The following CPED1 variants were observed in gnomAD, a reference collection of about 807,000 sequenced individuals.
The protein encoded by CPED1 is cadherin like and PC-esterase domain containing 1.
In CPED1, 114 loss-of-function variants were observed where a neutral mutation model predicts 128.2. That is an observed-to-expected ratio of 0.89 (90% confidence interval 0.76 to 1.04). The LOEUF is 1.04. Among genes scored for constraint, CPED1 ranks in the 50% least tolerant of loss-of-function variants. CPED1 has a pLI of 0.00. For missense variants in CPED1, 1,211 were observed against 1,207.1 expected, an observed-to-expected ratio of 1.00 and a Z score of -0.05; for synonymous variants, 462 against 426.7, an observed-to-expected ratio of 1.08 and a Z score of -1.02.
At chr7:121,105,162 A>G (rs1794944358) in intron 7 of CPED1, among the ~76,000 whole-genome samples, 1 of 152,146 alleles carries the variant, frequency 6.6e-6, no homozygotes, top group African/African-American at 2.4e-5. Context: ...TGTGGCAAAG[A>G]GAGGAATGGT....
chr7:121,287,145 A>C (rs1177361020), intron 22 of CPED1, among the ~76,000 whole-genome samples: 1 of 152,134 alleles, frequency 6.6e-6, no homozygotes, highest in Non-Finnish European at 1.5e-5. Flanking sequence ...TCAAGATGGG[A>C]TTTGAGTGGG....
At chr7:121,061,539 G>A (rs941301893) in intron 4 of CPED1, among the ~76,000 whole-genome samples, 4 of 152,194 alleles carry the variant, frequency 2.6e-5, no homozygotes, top group African/African-American at 9.7e-5. Flanking sequence ...TAATGGAGGA[G>A]GCTGTGTGTG....
At chr7:121,128,306 G>A (rs1242122973) in intron 10 of CPED1, 76 bp from the exon 11 acceptor site, 2 of 764,862 alleles carry the variant, frequency 2.6e-6, no homozygotes, top group African/African-American at 3.5e-5. Context: ...ATTGGTTGAT[G>A]AAATGGGAGG....
At chr7:121,083,962 T>G (rs1466134718) in intron 5 of CPED1, 2 of 152,244 alleles carry the variant, frequency 1.3e-5, no homozygotes, top group Admixed American at 1.3e-4. Flanking sequence ...GTATTATGAT[T>G]GTTTTTTCAA....
At chr7:121,242,556 G>A (rs1002931967) in intron 17 of CPED1, among the ~76,000 whole-genome samples, 1 of 152,074 alleles carries the variant, frequency 6.6e-6, no homozygotes, top group African/African-American at 2.4e-5. Flanking sequence ...TGTATATGGA[G>A]ACATAAAGGT....
At chr7:121,258,669 G>C (rs1323594352) in intron 18 of CPED1, among the ~76,000 whole-genome samples, 1 of 152,060 alleles carries the variant, frequency 6.6e-6, no homozygotes, top group Non-Finnish European at 1.5e-5. Context: ...GAAGGCACTA[G>C]AGAAGATTCT....
chr7:121,060,779 C>T (rs947182741), intron 4 of CPED1, among the ~76,000 whole-genome samples: 2 of 152,226 alleles, frequency 1.3e-5, no homozygotes, highest in African/African-American at 2.4e-5. Context: ...CCAGCAGTGG[C>T]AACCCGCTCC....
intron 16 of CPED1, among the ~76,000 whole-genome samples, chr7:121,196,279 T>G (rs1247806086): frequency 2.0e-5 from 3 of 152,058 alleles, no homozygotes; most frequent in African/African-American, 7.2e-5. Context: ...CAGTTGGCAC[T>G]AGCTGTATGC....
chr7:121,245,800 C>T (rs1412441526), intron 18 of CPED1, among the ~76,000 whole-genome samples: 2 of 151,686 alleles, frequency 1.3e-5, no homozygotes, highest in South Asian at 2.1e-4. Context: ...AAGCGCGTCT[C>T]CTGCCTCAGC....
chr7:121,154,786 C>T (rs113800962), intron 16 of CPED1, among the ~76,000 whole-genome samples: 7 of 152,190 alleles, frequency 4.6e-5, no homozygotes, highest in South Asian at 4.1e-4. Flanking sequence ...CCTTGTGATC[C>T]GCCCACCTCG....
intron 2 of CPED1, among the ~76,000 whole-genome samples, chr7:121,012,190 A>G (rs1472968479): frequency 6.6e-6 from 1 of 152,192 alleles, no homozygotes; most frequent in African/African-American, 2.4e-5. Context: ...ACTTTATGAC[A>G]ACATTCTGTC....
chr7:121,048,227 C>A (rs895501175), intron 4 of CPED1, among the ~76,000 whole-genome samples: 1 of 152,192 alleles, frequency 6.6e-6, no homozygotes, highest in African/African-American at 2.4e-5. Context: ...ATGCAACAGG[C>A]TGCTGAACAT....
intron 3 of CPED1, among the ~76,000 whole-genome samples, chr7:121,028,598 A>G (rs552740081): frequency 6.6e-6 from 1 of 152,342 alleles, no homozygotes; most frequent in East Asian, 1.9e-4. Context: ...TTTCTGGAAG[A>G]GAGTAGGATC....
intron 3 of CPED1, among the ~76,000 whole-genome samples, chr7:121,029,896 A>G (rs1455061694): frequency 6.6e-6 from 1 of 151,806 alleles, no homozygotes; most frequent in Non-Finnish European, 1.5e-5. Flanking sequence ...TATCTGTCTA[A>G]TTTTTTTTGG....
chr7:121,263,054 C>T (rs1270451898), intron 18 of CPED1, among the ~76,000 whole-genome samples: 1 of 152,052 alleles, frequency 6.6e-6, no homozygotes, highest in African/African-American at 2.4e-5. Context: ...GCTATGTCTG[C>T]TAGATTCAAC....
rs529525011 is a variant in CPED1, at chr7:121,238,818, C to G, written c.2173+1987C>G. On this transcript the variant is annotated intron_variant, in intron 17 of 22. Transcript: ENST00000310396. The stretch of plus-strand genomic sequence containing the variant: ...AGGGTGCACGAGCAATATGTTTTTA[C>G]TGATGGCTTACCTAGATTATAGGCT... 2.6e-4 allele frequency among the ~76,000 whole-genome samples: 40 copies of G among 151,640 alleles called. No homozygotes were observed. In the East Asian group the frequency reaches 4.3e-3, roughly 16 times the overall value.
chr7:121,275,334 G>A (rs1792309315), intron 22 of CPED1, among the ~76,000 whole-genome samples: 1 of 152,016 alleles, frequency 6.6e-6, no homozygotes, highest in South Asian at 2.1e-4. Flanking sequence ...TGTTCCTGCT[G>A]ATTAGAAAAG....
At chr7:121,183,401 A>G (rs886473882) in intron 16 of CPED1, among the ~76,000 whole-genome samples, 1 of 152,228 alleles carries the variant, frequency 6.6e-6, no homozygotes. Context: ...GTTTGAGAAT[A>G]TAAAGGACCC....
At chr7:121,191,797 A>G (rs1406461974) in intron 16 of CPED1, among the ~76,000 whole-genome samples, 1 of 152,144 alleles carries the variant, frequency 6.6e-6, no homozygotes, top group Non-Finnish European at 1.5e-5. Context: ...AAATGCTATT[A>G]TTTGAACAAT....
Sources: gnomAD v4.1 joint callset for allele counts (sites outside exome capture counted in the v4.1 genomes callset) on GRCh38, gnomAD v4.1.1 for gene constraint, MANE v1.5 for transcripts, NCBI Gene and HGNC (gene_info 2026-07-23, HGNC 2026-07-21) for gene names.